Variants in APBB2 observed in about 807,000 individuals in gnomAD.
APBB2 encodes Fe65-like 1.
In APBB2, 38 loss-of-function variants were observed where a neutral mutation model predicts 82.5. The observed-to-expected ratio is 0.46, with a 90% CI of 0.36 to 0.60. The LOEUF is 0.60. Among genes scored for constraint, APBB2 ranks in the 20% least tolerant of loss-of-function variants. The probability of loss-of-function intolerance (pLI) is 0.00; values close to 1 mark genes in which losing one functional copy is unlikely to be tolerated. For missense variants in APBB2, 772 were observed against 972.3 expected (o/e 0.79, Z 2.74); for synonymous variants, 341 against 368.2 (o/e 0.93, Z 0.85).
chr4:41,162,397 C>A (rs1379867551), intron 1 of APBB2, among the ~76,000 whole-genome samples: 1 of 152,026 alleles, frequency 6.6e-6, no homozygotes, highest in African/African-American at 2.4e-5. Context: ...ACCATGGGGA[C>A]GATTCTGTCT....
At chr4:40,834,037 G>A (rs1285838774) in intron 12 of APBB2, among the ~76,000 whole-genome samples, 1 of 152,128 alleles carries the variant, frequency 6.6e-6, no homozygotes, top group Admixed American at 6.5e-5. Context: ...GATGCCTTAA[G>A]GGCAACCATC....
At chr4:40,993,490 T>A (rs2099111304) in intron 6 of APBB2, among the ~76,000 whole-genome samples, 1 of 150,768 alleles carries the variant, frequency 6.6e-6, no homozygotes. Context: ...CTCAAGGAGA[T>A]CCTCCCACCT....
chr4:41,020,544 CTAAGT>C, intron 5 of APBB2, among the ~76,000 whole-genome samples: 1 of 152,316 alleles, frequency 6.6e-6, no homozygotes, highest in East Asian at 1.9e-4. Context: ...TATACCAATT[CTAAGT>C]TAATATGGAC....
intron 3 of APBB2, among the ~76,000 whole-genome samples, chr4:41,090,591 C>T (rs764100074): frequency 3.3e-5 from 5 of 152,078 alleles, no homozygotes; most frequent in Admixed American, 6.6e-5. Context: ...AGTCTGAATG[C>T]TGTAAAGATT....
At chr4:41,066,016 G>C (rs943203766) in intron 3 of APBB2, among the ~76,000 whole-genome samples, 5 of 151,906 alleles carry the variant, frequency 3.3e-5, no homozygotes, top group Admixed American at 2.6e-4. Flanking sequence ...TTAACATCAA[G>C]GAATAGCACT....
intron 1 of APBB2, among the ~76,000 whole-genome samples, chr4:41,174,263 T>C (rs1769144564): frequency 6.6e-6 from 1 of 152,158 alleles, no homozygotes; most frequent in African/African-American, 2.4e-5. Context: ...ATTAATATAA[T>C]ACATACAAGC....
intron 6 of APBB2, among the ~76,000 whole-genome samples, chr4:40,985,596 T>C (rs1800224617): frequency 6.6e-6 from 1 of 152,182 alleles, no homozygotes; most frequent in Admixed American, 6.5e-5. Context: ...AATTTCATGT[T>C]CAATACACCG....
At chr4:40,895,613 A>G (rs373737671) in intron 10 of APBB2, among the ~76,000 whole-genome samples, 10 of 152,356 alleles carry the variant, frequency 6.6e-5, no homozygotes, top group Admixed American at 2.0e-4. Flanking sequence ...TGCTTTATGA[A>G]AACGCACAAT....
At chr4:41,212,406 C>A (rs1273447015) in intron 1 of APBB2, among the ~76,000 whole-genome samples, 1 of 152,154 alleles carries the variant, frequency 6.6e-6, no homozygotes, top group Non-Finnish European at 1.5e-5. Flanking sequence ...GTGGCGTGAT[C>A]ATAGCTCACT....
intron 7 of APBB2, among the ~76,000 whole-genome samples, chr4:40,937,944 C>T (rs919487117): frequency 3.3e-5 from 5 of 152,206 alleles, no homozygotes; most frequent in African/African-American, 1.2e-4. Context: ...TTTGGTTCTA[C>T]AGAAAGTCTG....
At chr4:40,913,451 C>CTGAGCCT (rs2154363870) in intron 10 of APBB2, among the ~76,000 whole-genome samples, 1 of 152,324 alleles carries the variant, frequency 6.6e-6, no homozygotes, top group African/African-American at 2.4e-5. Flanking sequence ...AATAATGCCA[C>CTGAGCCT]TGAGCCTTGA....
intron 3 of APBB2, among the ~76,000 whole-genome samples, chr4:41,079,515 G>A (rs1379274544): frequency 7.3e-5 from 11 of 151,572 alleles, no homozygotes; most frequent in Non-Finnish European, 1.3e-4. Context: ...TTTGTGGAAC[G>A]TTAAGGGTTA....
At chr4:40,870,892 C>T (rs747424908) in intron 12 of APBB2, among the ~76,000 whole-genome samples, 3 of 151,930 alleles carry the variant, frequency 2.0e-5, no homozygotes, top group Non-Finnish European at 2.9e-5. Context: ...GACACCACAC[C>T]CAGCTAATTT....
At chr4:41,032,697 T>C (rs965377418) in intron 5 of APBB2, among the ~76,000 whole-genome samples, 5 of 151,818 alleles carry the variant, frequency 3.3e-5, no homozygotes, top group African/African-American at 9.7e-5. Context: ...CATTACGATA[T>C]AAGTATTCAT....
chr4:40,919,711 T>C (rs929197044), intron 10 of APBB2, among the ~76,000 whole-genome samples: 1 of 152,172 alleles, frequency 6.6e-6, no homozygotes, highest in Non-Finnish European at 1.5e-5. Flanking sequence ...ATGAAAATAT[T>C]TTGAGGACAG....
At chr4:41,180,165 C>T (rs1445626892) in intron 1 of APBB2, among the ~76,000 whole-genome samples, 1 of 152,232 alleles carries the variant, frequency 6.6e-6, no homozygotes, top group Non-Finnish European at 1.5e-5. Context: ...GAGCTTCCAT[C>T]AGTGTAAGGC....
Position 40,945,015 on chromosome 4 carries a change from T to C in APBB2, c.894A>G (p.Lys298=). 6.2e-6 allele frequency: 10 copies of C among 1,607,496 alleles called. No individual in the cohort carries two copies. The highest frequency in any genetic ancestry group is 8.5e-6 in the Non-Finnish European group (10 of 1,176,434). Residue 298 remains lysine, a synonymous_variant, in exon 7 of 18, where the codon AAA becomes AAG. Coordinates refer to ENST00000508593, the MANE Select transcript of APBB2 (RefSeq NM_004307.2). The part of the protein sequence containing the change: ...QTDPDLPPGW[K]RVSDIAGTYY... ...AGGTCCCGGCAATGTCACTGACTCT[T>C]TTCCAGCCAGGCGGCAAATCTGGAT...
At chr4:40,880,886 G>A (rs1239441673) in intron 12 of APBB2, 4 of 984,974 alleles carry the variant, frequency 4.1e-6, no homozygotes, top group South Asian at 4.7e-5. Flanking sequence ...CAAAATGGAC[G>A]AGGTATTTCT....
intron 6 of APBB2, among the ~76,000 whole-genome samples, chr4:40,968,201 G>C (rs1317747239): frequency 5.3e-5 from 8 of 152,186 alleles, no homozygotes; most frequent in Non-Finnish European, 1.0e-4. Context: ...TACGGTCCCA[G>C]AGCTAGTAAC....
Sources: allele counts gnomAD v4.1 joint callset (sites outside exome capture counted in the v4.1 genomes callset), GRCh38; gene constraint gnomAD v4.1.1; transcripts MANE v1.5; gene names NCBI Gene and HGNC (gene_info 2026-07-23, HGNC 2026-07-21).